The following EDIL3 variants were observed in gnomAD, a reference collection of about 807,000 sequenced individuals.
EDIL3 encodes the protein EGF-like repeat and discoidin I-like domain-containing protein 3.
EDIL3 carries 37 observed loss-of-function variants against 67.4 expected under a neutral mutation model. The ratio of observed to expected loss-of-function variants is 0.55; its 90% CI spans 0.42 to 0.72. EDIL3 has a LOEUF of 0.72. EDIL3 is among the 30% of genes least tolerant of loss of function. The pLI is 0.00. For missense variants in EDIL3, 527 were observed against 586.3 expected, an observed-to-expected ratio of 0.90 and a Z score of 1.04; for synonymous variants, 195 against 196.3, an observed-to-expected ratio of 0.99 and a Z score of 0.05.
At chr5:84,239,838 G>C (rs972764949) in intron 2 of EDIL3, among the ~76,000 whole-genome samples, 6 of 152,148 alleles carry the variant, frequency 3.9e-5, no homozygotes, top group African/African-American at 1.4e-4. Flanking sequence ...TTCACATGTA[G>C]TTGATTAAAG....
chr5:84,076,611 C>T (rs948509575), intron 6 of EDIL3, among the ~76,000 whole-genome samples: 9 of 152,158 alleles, frequency 5.9e-5, no homozygotes, highest in African/African-American at 2.2e-4. Flanking sequence ...ATTAATATCA[C>T]CACCAATTTC....
At position 84,219,445 on chromosome 5, in the gene EDIL3, CAAT is replaced by C. The variant is rs775681745; in HGVS notation, c.226+10407_226+10409del. Among the ~76,000 whole-genome samples, 9 of 152,190 alleles carry C rather than the reference CAAT, an allele frequency of 5.9e-5. No homozygotes were observed. The Middle Eastern group carries it at 0.01, about 174-fold the overall frequency. On this transcript the variant is annotated intron_variant, in intron 3 of 10. Transcript: ENST00000296591. ...GCAAATCAAAATTACAAAATATAGGCAATATTATTACAAATGCCAGTGAGGACG... is the reference window on the plus strand; with the variant it reads ...GCAAATCAAAATTACAAAATATAGGCATTATTACAAATGCCAGTGAGGACG...
At chr5:84,018,007 CA>C (rs113357403) in intron 9 of EDIL3, among the ~76,000 whole-genome samples, 12 of 152,282 alleles carry the variant, frequency 7.9e-5, no homozygotes, top group African/African-American at 2.6e-4. Flanking sequence ...TCATCATGGA[CA>C]TGACCTTTCT....
At chr5:84,371,867 T>TA (rs1006327851) in intron 1 of EDIL3, among the ~76,000 whole-genome samples, 20 of 152,016 alleles carry the variant, frequency 1.3e-4, no homozygotes, top group African/African-American at 4.6e-4. Context: ...AATTAAACAA[T>TA]AAACCATCAC....
At chr5:84,359,030 C>A (rs944218529) in intron 1 of EDIL3, among the ~76,000 whole-genome samples, 4 of 152,142 alleles carry the variant, frequency 2.6e-5, no homozygotes, top group African/African-American at 9.7e-5. Flanking sequence ...GGATAGCTCT[C>A]ATGTAGCTAT....
intron 4 of EDIL3, among the ~76,000 whole-genome samples, chr5:84,145,826 G>A (rs1295628058): frequency 3.8e-3 from 1 of 260 alleles, no homozygotes; most frequent in Non-Finnish European, 7.1e-3. Context: ...ATTTACCTGG[G>A]CACATTTATC....
intron 6 of EDIL3, among the ~76,000 whole-genome samples, chr5:84,098,200 T>C (rs2112274951): frequency 6.6e-6 from 1 of 151,980 alleles, no homozygotes; most frequent in African/African-American, 2.4e-5. Flanking sequence ...GCTGAACATA[T>C]AAATGTAAAA....
chr5:84,180,366 A>G (rs751314212), intron 4 of EDIL3, 27 bp downstream of exon 4: 3 of 1,558,066 alleles, frequency 1.9e-6, no homozygotes, highest in African/African-American at 2.8e-5. Flanking sequence ...AATAATAATA[A>G]AAGTACAATG....
At chr5:84,365,672 C>A (rs1340886529) in intron 1 of EDIL3, among the ~76,000 whole-genome samples, 2 of 152,122 alleles carry the variant, frequency 1.3e-5, no homozygotes, top group Non-Finnish European at 2.9e-5. Flanking sequence ...CATATCAATT[C>A]TAGGATTGCT....
At chr5:84,180,734 T>C (rs1358256561) in intron 3 of EDIL3, among the ~76,000 whole-genome samples, 1 of 152,202 alleles carries the variant, frequency 6.6e-6, no homozygotes, top group East Asian at 1.9e-4. Context: ...GAGATTTACT[T>C]ACCTTCTCCA....
At chr5:83,976,407 T>C (rs897633455) in intron 9 of EDIL3, among the ~76,000 whole-genome samples, 38 of 151,958 alleles carry the variant, frequency 2.5e-4, no homozygotes, top group African/African-American at 7.7e-4. Context: ...ATAATAACAA[T>C]TCATTAATAC....
intron 3 of EDIL3, among the ~76,000 whole-genome samples, chr5:84,191,365 CAGG>C (rs1700332685): frequency 6.6e-6 from 1 of 152,014 alleles, no homozygotes; most frequent in Admixed American, 6.6e-5. Context: ...GAGATTCCTG[CAGG>C]AGATGTTCCT....
At chr5:84,303,842 GTGTGTGTT>G (rs1222495779) in intron 1 of EDIL3, among the ~76,000 whole-genome samples, 11 of 146,464 alleles carry the variant, frequency 7.5e-5, no homozygotes, top group East Asian at 5.9e-4. Flanking sequence ...GTGTGTGTGT[GTGTGTGTT>G]TGTGTGTGTG....
At chr5:84,252,463 C>T (rs1020936565) in intron 2 of EDIL3, among the ~76,000 whole-genome samples, 1 of 106,790 alleles carries the variant, frequency 9.4e-6, no homozygotes, top group East Asian at 3.2e-4. Flanking sequence ...CAGTGCACCC[C>T]AGCCTGTGCG....
chr5:84,327,783 A>G (rs1185090337), intron 1 of EDIL3, among the ~76,000 whole-genome samples: 1 of 152,028 alleles, frequency 6.6e-6, no homozygotes, highest in East Asian at 1.9e-4. Context: ...TGCCATAGGG[A>G]AGATGACTCA....
intron 1 of EDIL3, among the ~76,000 whole-genome samples, chr5:84,287,839 G>A (rs965510552): frequency 3.5e-4 from 53 of 151,892 alleles, no homozygotes; most frequent in Non-Finnish European, 1.0e-4. Context: ...CCTTCTTAGC[G>A]GGCTCTTCCT....
chr5:84,213,032 C>T lies in EDIL3; in HGVS notation c.226+16823G>A, dbSNP rs565499173. On this transcript the variant is annotated intron_variant, in intron 3 of 10. Transcript: ENST00000296591. ...AAAAAAAAATCACAGTCTGAAAATTCAAGTAACTTAAAAATATGCTAATCT... is the reference window on the plus strand; with the variant it reads ...AAAAAAAAATCACAGTCTGAAAATTTAAGTAACTTAAAAATATGCTAATCT... Among the ~76,000 whole-genome samples the T allele has an allele frequency of 2.0e-5, 3 of 150,412 alleles. No homozygotes were observed. The South Asian group carries it at 6.3e-4, about 32-fold the overall frequency.
chr5:84,304,284 T>TATATGTGAATAGAC (rs1746221885), intron 1 of EDIL3, among the ~76,000 whole-genome samples: 1 of 152,186 alleles, frequency 6.6e-6, no homozygotes, highest in Admixed American at 6.5e-5. Flanking sequence ...AATTTTTTGG[T>TATATGTGAATAGAC]ATATGTGAAT....
chr5:84,128,120 GA>G (rs1747898374), intron 5 of EDIL3, among the ~76,000 whole-genome samples: 1 of 152,034 alleles, frequency 6.6e-6, no homozygotes, highest in Non-Finnish European at 1.5e-5. Context: ...TGATTCAGTT[GA>G]AAACTGCGGC....
Sources: gnomAD v4.1 joint callset for allele counts (sites outside exome capture counted in the v4.1 genomes callset) on GRCh38, gnomAD v4.1.1 for gene constraint, MANE v1.5 for transcripts, NCBI Gene and HGNC (gene_info 2026-07-23, HGNC 2026-07-21) for gene names.